EMILIN3: variants seen among roughly 807,000 people sequenced by gnomAD.
EMILIN3 encodes the protein EMILIN-3.
EMILIN3 carries 38 observed loss-of-function variants against 42.8 expected under a neutral mutation model. The observed-to-expected ratio is 0.89, with a 90% CI of 0.69 to 1.16. EMILIN3 has a LOEUF of 1.16. Ranked by LOEUF, EMILIN3 falls within the 50% of genes most tolerant of loss-of-function variation. The probability of loss-of-function intolerance (pLI) is 0.00; values close to 1 mark genes in which losing one functional copy is unlikely to be tolerated. For missense variants in EMILIN3, 924 were observed against 999.5 expected (o/e 0.92, Z 1.02); for synonymous variants, 430 against 440.5 (o/e 0.98, Z 0.30).
intron 3 of EMILIN3, 23 bp from the exon 4 acceptor site, chr20:41,363,077 A>C: frequency 6.6e-7 from 1 of 1,518,080 alleles, no homozygotes; most frequent in Non-Finnish European, 8.9e-7. Flanking sequence ...AGAGAGCCCC[A>C]GGGGCATCAC....
In EMILIN3 at chr20:41,363,863, T is replaced by G; in HGVS notation, c.291-2A>C. On this transcript the variant is annotated splice_acceptor_variant, in intron 2 of 3. Coordinates refer to ENST00000332312, the MANE Select transcript of EMILIN3 (RefSeq NM_052846.2). LOFTEE classifies it high-confidence loss of function. ...TTGGGTCTGAGTACTGTGCGGTACC[T>G]GGGCCAGGGAGGGCAAGAGAGTGGG... 1 of 1,611,984 alleles carries G rather than the reference T, an allele frequency of 6.2e-7. No homozygotes were observed.
chr20:41,362,190 C>T lies in EMILIN3; in HGVS notation c.1379G>A (p.Gly460Glu), dbSNP rs754621531. Residue 460 changes from glycine to glutamate, a missense_variant, in exon 4 of 4, where the codon GGG becomes GAG. Transcript: ENST00000332312. ...GGTCCCAAAGCCGCCCACTCCCCAC[C>T]CCCCCATGTCCAACCTCAGACAGCA... ...RGCCLRLDMG[G>E]WGVGGFGTML... 11 of 1,613,592 alleles carry T rather than the reference C, an allele frequency of 6.8e-6. No homozygotes were observed. The highest frequency in any genetic ancestry group is 1.1e-5 in the South Asian group (1 of 91,018).
rs775678164 is a variant in EMILIN3 at position 41,362,199 on chromosome 20, T to C, written c.1370A>G (p.Asp457Gly). Reference sequence around the variant, plus strand: ...GCCGCCCACTCCCCACCCCCCCATGTCCAACCTCAGACAGCATCCCCTTGC... The same window carrying C: ...GCCGCCCACTCCCCACCCCCCCATGCCCAACCTCAGACAGCATCCCCTTGC... ...GGARGCCLRL[D>G]MGGWGVGGFG... is the part of the protein sequence containing the mutation. The change falls in exon 4 of 4, where the codon GAC (aspartate) becomes GGC (glycine). Residue 457 changes from aspartate to glycine, a missense_variant. Transcript: ENST00000332312. The C allele has an allele frequency of 2.1e-6, 3 of 1,452,058 alleles. No homozygotes were observed. The South Asian group carries it at 3.4e-5, about 16-fold the overall frequency. 89.9% of individuals were successfully genotyped at this position (1,452,058 alleles called of 1,614,324 possible).
chr20:41,366,335 G>T lies in EMILIN3; in HGVS notation c.167+133C>A. 1.6e-6 allele frequency: 1 copy of T among 632,894 alleles called. No homozygotes were observed. Among genetic ancestry groups the T allele is most frequent in the Non-Finnish European group, 2.0e-6 (1 of 490,110 alleles). The allele number at this position is 632,894 out of a possible 1,614,324, so 39.2% of individuals were successfully genotyped here. ...CGCCTGGGCAGGGGCTCGGCCCCGG[G>T]CGCCGCCCCCTCTGTGCAGCGGCCT... is the stretch of plus-strand genomic sequence containing the variant. On this transcript the variant is annotated intron_variant, in intron 1 of 3. Transcript: ENST00000332312. This position sits in a 1 kb window ranked among gnomAD's most constrained non-coding sequence, Gnocchi z 4.2.
At position 41,362,368 on chromosome 20, in the gene EMILIN3, C is replaced by A. The variant is rs1476797789; in HGVS notation, c.1201G>T (p.Ala401Ser). 6.2e-7 allele frequency: 1 copy of A among 1,607,074 alleles called. No individual in the cohort carries two copies. The highest frequency in any genetic ancestry group is 8.5e-7 in the Non-Finnish European group (1 of 1,179,968). The change falls in exon 4 of 4, where the codon GCC (alanine) becomes TCC (serine). Residue 401 changes from alanine (A) to serine (S), a missense_variant. Transcript: ENST00000332312. Reference protein sequence around the residue: ...INARMDGLERALQAVTETQRG... With the variant: ...INARMDGLERSLQAVTETQRG... ...TGGGTCTCGGTGACTGCCTGCAGGG[C>A]CCTCTCAAGGCCATCCATACGGGCA...
At chr20:41,364,436 G>C (rs1265213895) in intron 2 of EMILIN3, among the ~76,000 whole-genome samples, 5 of 152,180 alleles carry the variant, frequency 3.3e-5, no homozygotes, top group African/African-American at 1.2e-4. Flanking sequence ...CCAGGGTACA[G>C]GCAGGCTCGC....
Position 41,366,725 on chromosome 20 carries a change from C to T in EMILIN3, c.-91G>A, listed in dbSNP as rs1008869791. ...GCGCCGCCCCCGCCGCTGGTCGGCCCGGGTCCCGCCCCGAGGGTCCCGGGG... is the reference window on the plus strand; with the variant it reads ...GCGCCGCCCCCGCCGCTGGTCGGCCTGGGTCCCGCCCCGAGGGTCCCGGGG... On this transcript the variant is annotated 5_prime_UTR_variant, in exon 1 of 4. Coordinates refer to ENST00000332312, the MANE Select transcript of EMILIN3 (RefSeq NM_052846.2). This position sits in a 1 kb window ranked among gnomAD's most constrained non-coding sequence, Gnocchi z 4.2. The T allele has an allele frequency of 1.6e-4, 143 of 885,618 alleles. 1 individual carries two copies. In the African/African-American group the frequency reaches 2.4e-3, roughly 15 times the overall value. The allele number at this position is 885,618 out of a possible 1,614,324, so 54.9% of individuals were successfully genotyped here.
Position 41,366,660 on chromosome 20 carries a change from C to T in EMILIN3, c.-26G>A. The T allele has an allele frequency of 1.0e-6, 1 of 1,002,062 alleles. No individual in the cohort carries two copies. Among genetic ancestry groups the T allele is most frequent in the East Asian group, 1.0e-4 (1 of 9,584 alleles). The allele number at this position is 1,002,062 out of a possible 1,614,324, so 62.1% of individuals were successfully genotyped here. On this transcript the variant is annotated 5_prime_UTR_variant, in exon 1 of 4. Coordinates refer to ENST00000332312, the MANE Select transcript of EMILIN3 (RefSeq NM_052846.2). The surrounding 1 kb of genome is among the most constrained non-coding windows in gnomAD (Gnocchi z 4.2). ...AGCGGCCCCCGCGCCTCTGCCCGGC[C>T]CCGCGCGGTGCCCCCCGCCGGGTGT... is the stretch of plus-strand genomic sequence containing the variant.
rs532436336 is a variant in EMILIN3, at chr20:41,362,674, G to A, written c.895C>T (p.Leu299=). The A allele has an allele frequency of 9.8e-5, 158 of 1,612,206 alleles. 2 individuals carry two copies. The South Asian group carries it at 1.4e-3, about 15-fold the overall frequency. ...CGTCGGTCCACGTACTCCTCCAGCA[G>A]GGCCAGGGAGGTGAGCGGGGATGGT... ...APPSPLTSLA[L]LEEYVDRRLH... The change falls in exon 4 of 4, where the codon CTG becomes TTG. Residue 299 remains leucine, a synonymous_variant. Coordinates refer to ENST00000332312, the MANE Select transcript of EMILIN3 (RefSeq NM_052846.2).
In EMILIN3 at chr20:41,360,881, C is replaced by CT. The variant is rs1305612061; in HGVS notation, c.*386dup. On this transcript the variant is annotated 3_prime_UTR_variant, in exon 4 of 4. Coordinates refer to ENST00000332312, the MANE Select transcript of EMILIN3 (RefSeq NM_052846.2). ...AGTTGCTGAGGCTGGTGCTGACTGC[C>CT]TGCAGGGTCCTCTCAAGGCCTTACA... The CT allele has an allele frequency of 2.4e-5, 6 of 255,312 alleles. No individual in the cohort carries two copies. The highest frequency in any genetic ancestry group is 3.8e-5 in the Non-Finnish European group (5 of 132,350). 15.8% of individuals were successfully genotyped at this position (255,312 alleles called of 1,614,324 possible). A position where few individuals can be genotyped will look rare whatever the true frequency, so the allele number is the denominator to read the frequency against.
chr20:41,366,700 G>T lies in EMILIN3; in HGVS notation c.-66C>A. On this transcript the variant is annotated 5_prime_UTR_variant, in exon 1 of 4. Coordinates refer to ENST00000332312, the MANE Select transcript of EMILIN3 (RefSeq NM_052846.2). This position sits in a 1 kb window ranked among gnomAD's most constrained non-coding sequence, Gnocchi z 4.2. Reference sequence around the variant, plus strand: ...CCGCCGGGTGTCCGCCTGCAGCGCCGCGCCGCCCCCGCCGCTGGTCGGCCC... The same window carrying T: ...CCGCCGGGTGTCCGCCTGCAGCGCCTCGCCGCCCCCGCCGCTGGTCGGCCC... 1.0e-6 allele frequency: 1 copy of T among 954,300 alleles called. No individual in the cohort carries two copies. Among genetic ancestry groups the T allele is most frequent in the East Asian group, 1.2e-4 (1 of 8,594 alleles). The allele number at this position is 954,300 out of a possible 1,614,324, so 59.1% of individuals were successfully genotyped here. A position where few individuals can be genotyped will look rare whatever the true frequency, so the allele number is the denominator to read the frequency against.
chr20:41,364,766 C>T (rs1305903731), intron 2 of EMILIN3, among the ~76,000 whole-genome samples: 1 of 152,350 alleles, frequency 6.6e-6, no homozygotes. Context: ...CCCCCAGAAC[C>T]TTCCCCTTGT....
At position 41,362,411 on chromosome 20, in the gene EMILIN3, C is replaced by G; in HGVS notation, c.1158G>C (p.Gly386=). 6.2e-7 allele frequency: 1 copy of G among 1,602,122 alleles called. No homozygotes were observed. Among genetic ancestry groups the G allele is most frequent in the Non-Finnish European group, 8.5e-7 (1 of 1,179,936 alleles). The change falls in exon 4 of 4, where the codon GGG becomes GGC. Residue 386 remains glycine (G), a synonymous_variant. Transcript: ENST00000332312. ...TACGGGCATTGATCAAGGCTAGTTG[C>G]CCACAGCAGCTGCCCCTGCCAGACA... is the stretch of plus-strand genomic sequence containing the variant. The part of the protein sequence containing the change: ...LSVSGRGSCC[G]QLALINARMD...
Position 41,360,545 on chromosome 20 carries a change from G to A in EMILIN3, c.*723C>T, listed in dbSNP as rs1014027620. ...TACAGCTGCCTAAGCCCTCACCTTG[G>A]GGGAGGATCAAAGGGAATAAAGAGA... On this transcript the variant is annotated 3_prime_UTR_variant, in exon 4 of 4. Transcript: ENST00000332312. The A allele has an allele frequency of 6.5e-6, 1 of 152,684 alleles. No individual in the cohort carries two copies. Among genetic ancestry groups the A allele is most frequent in the Non-Finnish European group, 1.5e-5 (1 of 68,072 alleles). 9.5% of individuals were successfully genotyped at this position (152,684 alleles called of 1,614,324 possible). A position where few individuals can be genotyped will look rare whatever the true frequency, so the allele number is the denominator to read the frequency against.
chr20:41,363,819 C>T lies in EMILIN3; in HGVS notation c.333G>A (p.Lys111=), dbSNP rs2046380514. 6.2e-7 allele frequency: 1 copy of T among 1,614,138 alleles called. No individual in the cohort carries two copies. Residue 111 remains lysine, a synonymous_variant, in exon 3 of 4, where the codon AAG becomes AAA. Transcript: ENST00000332312. ...AACGCCAGGCGAGGTCTGTCACTGT[C>T]TTGTAGCCAACCTTGTATTTGGGTC... ...VLRPKYKVGY[K]TVTDLAWRCC...
In EMILIN3 at chr20:41,360,121, G is replaced by A. The variant is rs918976511; in HGVS notation, c.*1147C>T. ...CTGCTGTGGGGGAAACTGAGGCTGGGAGCCTCAGCAGAGACCGGTGTCAAG... is the reference window on the plus strand; with the variant it reads ...CTGCTGTGGGGGAAACTGAGGCTGGAAGCCTCAGCAGAGACCGGTGTCAAG... On this transcript the variant is annotated 3_prime_UTR_variant, in exon 4 of 4. Transcript: ENST00000332312. 5.9e-5 allele frequency: 9 copies of A among 152,644 alleles called. No individual in the cohort carries two copies. Among genetic ancestry groups the A allele is most frequent in the African/African-American group, 1.9e-4 (8 of 41,452 alleles). The allele number at this position is 152,644 out of a possible 1,614,324, so 9.5% of individuals were successfully genotyped here.
At position 41,366,245 on chromosome 20, in the gene EMILIN3, C is replaced by T. The variant is rs1226381207; in HGVS notation, c.167+223G>A. On this transcript the variant is annotated intron_variant, in intron 1 of 3. Transcript: ENST00000332312. This position sits in a 1 kb window ranked among gnomAD's most constrained non-coding sequence, Gnocchi z 4.2. ...TGGCACTGCCAGGATCCCAAGCCGC[C>T]GCGCCAGGCCCCCTCGGTTCCTTTT... 6.6e-6 allele frequency among the ~76,000 whole-genome samples: 1 copy of T among 152,132 alleles called. No individual in the cohort carries two copies. Among genetic ancestry groups the T allele is most frequent in the African/African-American group, 2.4e-5 (1 of 41,450 alleles).
At chr20:41,364,357 C>T (rs78886984) in intron 2 of EMILIN3, among the ~76,000 whole-genome samples, 5,862 of 152,226 alleles carry the variant, frequency 0.039, 153 homozygotes, top group African/African-American at 0.066. Context: ...TAGCCTGCTC[C>T]GGGACCTCGG....
chr20:41,364,999 G>A, intron 2 of EMILIN3, 36 bp downstream of exon 2: 2 of 1,611,544 alleles, frequency 1.2e-6, no homozygotes, highest in Non-Finnish European at 1.7e-6. Flanking sequence ...GCTTGTGCCA[G>A]GGGATTCCAA....
Sources: allele counts gnomAD v4.1 joint callset (sites outside exome capture counted in the v4.1 genomes callset), GRCh38; gene constraint gnomAD v4.1.1; non-coding constraint Gnocchi (gnomAD v3.1); transcripts MANE v1.5; gene names NCBI Gene and HGNC (gene_info 2026-07-23, HGNC 2026-07-21).